ANK3: variants seen among roughly 807,000 people sequenced by gnomAD.
The protein encoded by ANK3 is ankyrin 3.
A neutral mutation model predicts 370.9 loss-of-function variants in ANK3; 57 were observed. The observed-to-expected ratio is 0.15, with a 90% confidence interval of 0.12 to 0.19. The LOEUF (loss-of-function observed/expected upper bound fraction) is 0.19, where lower values mean the gene tolerates loss of function less well. Among genes scored for constraint, ANK3 ranks in the 10% least tolerant of loss-of-function variants. The probability of loss-of-function intolerance (pLI) is 1.00; values close to 1 mark genes in which losing one functional copy is unlikely to be tolerated. For missense variants in ANK3, 4,439 were observed against 5,302.1 expected (o/e 0.84, Z 5.06); for synonymous variants, 1,929 against 1,946.3 (o/e 0.99, Z 0.23).
intron 2 of ANK3, among the ~76,000 whole-genome samples, chr10:60,532,509 T>G (rs933983205): frequency 6.6e-6 from 1 of 152,158 alleles, no homozygotes; most frequent in African/African-American, 2.4e-5. Flanking sequence ...GGAACATTTC[T>G]AGGACTTGCA....
At chr10:60,473,739 T>G (rs1362035505) in intron 2 of ANK3, among the ~76,000 whole-genome samples, 1 of 151,974 alleles carries the variant, frequency 6.6e-6, no homozygotes, top group Non-Finnish European at 1.5e-5. Context: ...GAGCGCTGGT[T>G]TAACTTAGGG....
At chr10:60,169,436 G>A (rs1409705993) in intron 21 of ANK3, among the ~76,000 whole-genome samples, 5 of 142,860 alleles carry the variant, frequency 3.5e-5, no homozygotes, top group Non-Finnish European at 7.5e-5. Context: ...CAGAGGAAAA[G>A]TGCCATTTCA....
At chr10:60,651,748 G>A (rs1438182822) in intron 1 of ANK3, among the ~76,000 whole-genome samples, 1 of 152,026 alleles carries the variant, frequency 6.6e-6, no homozygotes, top group Non-Finnish European at 1.5e-5. Flanking sequence ...GGGTTTTTAT[G>A]ATGAAGACTT....
chr10:60,451,756 G>A (rs2064609212), intron 2 of ANK3, among the ~76,000 whole-genome samples: 1 of 152,200 alleles, frequency 6.6e-6, no homozygotes, highest in African/African-American at 2.4e-5. Flanking sequence ...TTGTCTTTGG[G>A]CTGTTTGTTC....
chr10:60,166,536 T>A, intron 23 of ANK3, 55 bp downstream of exon 23: 1 of 1,300,974 alleles, frequency 7.7e-7, no homozygotes, highest in Non-Finnish European at 1.1e-6. Flanking sequence ...AGATAAGAAA[T>A]GAAAGATAAA....
intron 2 of ANK3, among the ~76,000 whole-genome samples, chr10:60,509,684 C>T (rs1040382191): frequency 2.6e-5 from 4 of 152,072 alleles, no homozygotes; most frequent in Non-Finnish European, 2.9e-5. Flanking sequence ...GGTTTTATAG[C>T]TATTTTCTCC....
chr10:60,414,210 A>C (rs1270863476), intron 2 of ANK3, among the ~76,000 whole-genome samples: 1 of 152,130 alleles, frequency 6.6e-6, no homozygotes. Context: ...TATCATGTAA[A>C]ACATGCCCAC....
chr10:60,228,736 G>T (rs2097201261), intron 8 of ANK3, among the ~76,000 whole-genome samples: 1 of 152,004 alleles, frequency 6.6e-6, no homozygotes, highest in Non-Finnish European at 1.5e-5. Flanking sequence ...TCTAACTGAT[G>T]TAGAGCTATT....
At chr10:60,196,740 T>C (rs1258594210) in intron 14 of ANK3, 115 bp from the exon 15 acceptor site, 1 of 641,366 alleles carries the variant, frequency 1.6e-6, no homozygotes, top group Non-Finnish European at 2.7e-6. Context: ...GGGCACTGCT[T>C]TCCAGAACTG....
At chr10:60,413,640 GA>G (rs911606858) in intron 2 of ANK3, among the ~76,000 whole-genome samples, 3 of 151,968 alleles carry the variant, frequency 2.0e-5, no homozygotes, top group African/African-American at 4.8e-5. Context: ...TTTTACCCCA[GA>G]AAAAAAGGGA....
intron 1 of ANK3, among the ~76,000 whole-genome samples, chr10:60,308,976 G>T (rs2045783430): frequency 6.6e-6 from 1 of 152,144 alleles, no homozygotes; most frequent in Non-Finnish European, 1.5e-5. Flanking sequence ...TAATCCAGGA[G>T]AATTCGAATA....
At chr10:60,272,952 T>C (rs1376176254) in intron 4 of ANK3, among the ~76,000 whole-genome samples, 1 of 152,188 alleles carries the variant, frequency 6.6e-6, no homozygotes, top group East Asian at 1.9e-4. Flanking sequence ...CTAGTGAGTG[T>C]CCACTGTTCT....
At chr10:60,269,919 C>T (rs896314302) in intron 5 of ANK3, among the ~76,000 whole-genome samples, 3 of 151,934 alleles carry the variant, frequency 2.0e-5, no homozygotes, top group Non-Finnish European at 2.9e-5. Flanking sequence ...AGCATAGAAT[C>T]GGGCATTTAA....
At chr10:60,036,715 C>T (rs1244772817) in intron 43 of ANK3, among the ~76,000 whole-genome samples, 2 of 151,988 alleles carry the variant, frequency 1.3e-5, no homozygotes, top group African/African-American at 2.4e-5. Flanking sequence ...GGAATACAGG[C>T]GTGAGCCACT....
At chr10:60,031,926 G>C (rs1373341597) in intron 43 of ANK3, among the ~76,000 whole-genome samples, 2 of 152,056 alleles carry the variant, frequency 1.3e-5, no homozygotes, top group African/African-American at 4.8e-5. Flanking sequence ...CCTCCCCTGT[G>C]ACTCTGCTGA....
chr10:60,603,880 A>T (rs1251433264), intron 2 of ANK3, among the ~76,000 whole-genome samples: 1 of 152,158 alleles, frequency 6.6e-6, no homozygotes, highest in Non-Finnish European at 1.5e-5. Flanking sequence ...GTTCTGAGGC[A>T]CACTCCTCAG....
chr10:60,467,182 C>T (rs1321166020), intron 2 of ANK3, among the ~76,000 whole-genome samples: 2 of 152,138 alleles, frequency 1.3e-5, no homozygotes, highest in Admixed American at 1.3e-4. Flanking sequence ...ACTCAAAATG[C>T]AATTACTTGG....
At chr10:60,289,606 C>G (rs529710597) in intron 1 of ANK3, among the ~76,000 whole-genome samples, 1 of 151,946 alleles carries the variant, frequency 6.6e-6, no homozygotes, top group African/African-American at 2.4e-5. Flanking sequence ...AGCATGTTGC[C>G]CAGGCTGGTC....
chr10:60,059,567 C>T (rs553437659), intron 40 of ANK3, 137 bp from the exon 41 acceptor site: 267 of 1,242,800 alleles, frequency 2.1e-4, no homozygotes, highest in Non-Finnish European at 3.0e-4. Context: ...GTTTCTCTTC[C>T]ATCATCTCCT....
Sources: gnomAD v4.1 joint callset for allele counts (sites outside exome capture counted in the v4.1 genomes callset) on GRCh38, gnomAD v4.1.1 for gene constraint, MANE v1.5 for transcripts, NCBI Gene and HGNC (gene_info 2026-07-23, HGNC 2026-07-21) for gene names.